Variants in AHCYL2 observed in about 807,000 individuals in gnomAD.
AHCYL2 encodes the protein S-adenosylhomocysteine hydrolase-like protein 2.
AHCYL2 carries 28 observed loss-of-function variants against 81.4 expected under a neutral mutation model. That is an observed-to-expected ratio of 0.34 (90% CI 0.25 to 0.47). The LOEUF (loss-of-function observed/expected upper bound fraction) is 0.47, where lower values mean the gene tolerates loss of function less well. Among genes scored for constraint, AHCYL2 ranks in the 20% least tolerant of loss-of-function variants. The pLI is 1.00. For missense variants in AHCYL2, 551 were observed against 785.1 expected, an observed-to-expected ratio of 0.70 and a Z score of 3.56; for synonymous variants, 272 against 290.2, an observed-to-expected ratio of 0.94 and a Z score of 0.64.
At chr7:129,394,002 T>G (rs79017298) in intron 4 of AHCYL2, among the ~76,000 whole-genome samples, 2,015 of 152,162 alleles carry the variant, frequency 0.013, 54 homozygotes, top group African/African-American at 0.047. Context: ...AATTTCTTTT[T>G]TTGTTGTTGT....
intron 1 of AHCYL2, among the ~76,000 whole-genome samples, chr7:129,331,349 A>T (rs1798414792): frequency 6.6e-6 from 1 of 152,182 alleles, no homozygotes; most frequent in Non-Finnish European, 1.5e-5. Context: ...ATAAAGATTT[A>T]GATTTAGCAT....
At position 129,427,162 on chromosome 7, in the gene AHCYL2, A is replaced by T; in HGVS notation, c.*117A>T. 9.4e-7 allele frequency: 1 copy of T among 1,059,724 alleles called. No homozygotes were observed. 65.6% of individuals were successfully genotyped at this position (1,059,724 alleles called of 1,614,324 possible). The stretch of plus-strand genomic sequence containing the variant: ...CCAATCAAAGCTGCCTGCCGTGCTC[A>T]CCCTGTGTGTTAGGTTATTTATTTA... On this transcript the variant is annotated 3_prime_UTR_variant, in exon 17 of 17. Coordinates refer to ENST00000325006, the MANE Select transcript of AHCYL2 (RefSeq NM_015328.4). This position sits in a 1 kb window ranked among gnomAD's most constrained non-coding sequence, Gnocchi z 5.5.
At chr7:129,225,567 C>G in intron 1 of AHCYL2, 128 bp downstream of exon 1, 1 of 1,359,996 alleles carries the variant, frequency 7.4e-7, no homozygotes. Context: ...CCCCTTGTCC[C>G]CTTAAACCCA....
intron 1 of AHCYL2, among the ~76,000 whole-genome samples, chr7:129,340,155 C>T (rs1793119993): frequency 6.8e-6 from 1 of 147,862 alleles, no homozygotes; most frequent in Non-Finnish European, 1.5e-5. Context: ...ATCTCCTGAC[C>T]TTGTGATCCG....
chr7:129,392,644 G>A (rs1795525209), intron 4 of AHCYL2, among the ~76,000 whole-genome samples: 1 of 152,286 alleles, frequency 6.6e-6, no homozygotes, highest in Admixed American at 6.5e-5. Context: ...TTTCTACAAA[G>A]AAGGACATTT....
chr7:129,225,449 CCGGGCTGCCT>C lies in AHCYL2; in HGVS notation c.363+12_363+21del, dbSNP rs1794175960. 12 of 1,502,018 alleles carry C rather than the reference CCGGGCTGCCT, an allele frequency of 8.0e-6. No individual in the cohort carries two copies. Among genetic ancestry groups the C allele is most frequent in the Non-Finnish European group, 1.1e-5 (12 of 1,131,556 alleles). The allele number at this position is 1,502,018 out of a possible 1,614,324, so 93.0% of individuals were successfully genotyped here. ...GCGCACAGTCAAGAAGGTACTGGGGCCGGGCTGCCTCTCTAGGAGAGGAAGGGAGGGGAGG... is the reference window on the plus strand; with the variant it reads ...GCGCACAGTCAAGAAGGTACTGGGGCCTCTAGGAGAGGAAGGGAGGGGAGG... On this transcript the variant is annotated intron_variant, in intron 1 of 16. Transcript: ENST00000325006.
intron 1 of AHCYL2, among the ~76,000 whole-genome samples, chr7:129,256,549 A>ACCCCCCCCC (rs58653086): frequency 6.3e-5 from 4 of 63,742 alleles, no homozygotes; most frequent in Non-Finnish European, 8.7e-5. Context: ...CCCACCCCCC[A>ACCCCCCCCC]CCCCCCCCCC....
intron 1 of AHCYL2, among the ~76,000 whole-genome samples, chr7:129,322,174 C>G (rs34691806): frequency 0.025 from 3,737 of 151,932 alleles, 74 homozygotes; most frequent in Admixed American, 0.058. Context: ...TTTGTTTGCC[C>G]TGTTACCCAG....
At chr7:129,320,940 C>T (rs758387377) in intron 1 of AHCYL2, among the ~76,000 whole-genome samples, 3 of 152,136 alleles carry the variant, frequency 2.0e-5, no homozygotes, top group Non-Finnish European at 4.4e-5. Context: ...CTTTTTATTG[C>T]CAAGTAATGT....
chr7:129,385,451 A>G (rs922220234), intron 2 of AHCYL2, among the ~76,000 whole-genome samples: 14 of 152,256 alleles, frequency 9.2e-5, no homozygotes, highest in African/African-American at 3.4e-4. Context: ...GAATCATAAA[A>G]TGTGTATACA....
chr7:129,254,091 A>G (rs1370335670), intron 1 of AHCYL2, among the ~76,000 whole-genome samples: 11 of 152,166 alleles, frequency 7.2e-5, no homozygotes, highest in Non-Finnish European at 5.9e-5. Flanking sequence ...CCTGTCTTTG[A>G]GATGTTAGTA....
chr7:129,278,010 C>T (rs1386039870), intron 1 of AHCYL2, among the ~76,000 whole-genome samples: 1 of 152,132 alleles, frequency 6.6e-6, no homozygotes, highest in Non-Finnish European at 1.5e-5. Context: ...AACTGTTTTC[C>T]AAAGAGGTTT....
chr7:129,370,504 C>T (rs1407877751), intron 1 of AHCYL2, among the ~76,000 whole-genome samples: 2 of 152,148 alleles, frequency 1.3e-5, no homozygotes, highest in South Asian at 2.1e-4. Context: ...CAAGATCATC[C>T]TGGCTAACAC....
intron 1 of AHCYL2, among the ~76,000 whole-genome samples, chr7:129,234,090 G>A (rs1217401032): frequency 1.3e-5 from 2 of 150,652 alleles, no homozygotes; most frequent in East Asian, 2.0e-4. Context: ...TCACTCTGTA[G>A]CCCAGGCAGG....
chr7:129,351,696 G>A (rs905945722), intron 1 of AHCYL2: 3 of 152,134 alleles, frequency 2.0e-5, no homozygotes, highest in African/African-American at 2.4e-5. Context: ...TCTCCACAAA[G>A]CTTTTGTTAA....
intron 2 of AHCYL2, 160 bp from the exon 3 acceptor site, chr7:129,388,896 C>A (rs1011462033): frequency 1.1e-5 from 7 of 660,998 alleles, no homozygotes; most frequent in Non-Finnish European, 1.7e-5. Context: ...TCTCTTTCAG[C>A]TTCCCTCTTC....
At position 129,405,195 on chromosome 7, in the gene AHCYL2, G is replaced by A. The variant is rs772673247; in HGVS notation, c.1124G>A (p.Arg375His). Residue 375 changes from arginine to histidine, a missense_variant, in exon 8 of 17, where the codon CGT becomes CAT. This residue lies in a region of AHCYL2 where 316 missense variants were observed against 543.1 expected (regional missense o/e 0.58). Coordinates refer to ENST00000325006, the MANE Select transcript of AHCYL2 (RefSeq NM_015328.4). ...AAATTTGACAACCTCTACTGTTGCC[G>A]TGAATCAATTCTTGATGGGTAATGT... is the stretch of plus-strand genomic sequence containing the variant. ...KQKFDNLYCC[R>H]ESILDGLKRT... is the part of the protein sequence containing the mutation. The A allele has an allele frequency of 4.4e-6, 7 of 1,604,334 alleles. No individual in the cohort carries two copies. The highest frequency in any genetic ancestry group is 1.7e-5 in the Admixed American group (1 of 58,642).
At chr7:129,365,320 CAT>C (rs1364928194) in intron 1 of AHCYL2, among the ~76,000 whole-genome samples, 1 of 152,074 alleles carries the variant, frequency 6.6e-6, no homozygotes, top group Non-Finnish European at 1.5e-5. Flanking sequence ...GAGAAAATGA[CAT>C]GAGCAAAGGC....
chr7:129,403,860 C>CAAAAAAAAAAAAAAAAAAAAA (rs34806455), intron 7 of AHCYL2, among the ~76,000 whole-genome samples: 7 of 80,208 alleles, frequency 8.7e-5, no homozygotes, highest in Admixed American at 4.4e-4. Context: ...GACTCCATCT[C>CAAAAAAAAAAAAAAAAAAAAA]AAAAAAAAAA....
Sources: allele counts gnomAD v4.1 joint callset (sites outside exome capture counted in the v4.1 genomes callset), GRCh38; gene constraint gnomAD v4.1.1; regional missense constraint gnomAD v4.1.1; non-coding constraint Gnocchi (gnomAD v3.1); transcripts MANE v1.5; gene names NCBI Gene and HGNC (gene_info 2026-07-23, HGNC 2026-07-21).